The following FHIT variants were observed in gnomAD, a reference collection of about 807,000 sequenced individuals.
FHIT encodes the protein bis(5'-adenosyl)-triphosphatase.
FHIT carries 19 observed loss-of-function variants against 17.9 expected under a neutral mutation model. That is an observed-to-expected ratio of 1.06 (90% CI 0.74 to 1.56). The LOEUF is 1.56. FHIT is among the 40% of genes most tolerant of loss of function. The pLI is 0.00. For missense variants in FHIT, 248 were observed against 189.2 expected (o/e 1.31, Z -1.82); for synonymous variants, 81 against 69.7 (o/e 1.16, Z -0.81).
chr3:59,905,512 T>A (rs17061437), intron 8 of FHIT, among the ~76,000 whole-genome samples: 108 of 152,330 alleles, frequency 7.1e-4, no homozygotes, highest in African/African-American at 2.5e-3. Context: ...GTAGTAAGCC[T>A]TTTATAGGTG....
intron 4 of FHIT, among the ~76,000 whole-genome samples, chr3:60,594,629 C>G (rs1553665584): frequency 6.6e-6 from 1 of 152,090 alleles, no homozygotes; most frequent in African/African-American, 2.4e-5. Context: ...CTCCTCTCCC[C>G]TTCCAACACT....
In FHIT at chr3:60,859,723, A is replaced by ATTTTTTTTTTTT. The variant is rs71092647; in HGVS notation, c.-110-37724_-110-37713dup. 1.7e-3 allele frequency among the ~76,000 whole-genome samples: 90 copies of ATTTTTTTTTTTT among 51,924 alleles called. 20 individuals carry two copies. The highest frequency in any genetic ancestry group is 2.2e-3 in the Non-Finnish European group (66 of 29,368). 34.1% of individuals were successfully genotyped at this position (51,924 alleles called of 152,430 possible). A position where few individuals can be genotyped will look rare whatever the true frequency, so the allele number is the denominator to read the frequency against. On this transcript the variant is annotated intron_variant, in intron 3 of 9. Coordinates refer to ENST00000492590, the MANE Select transcript of FHIT (RefSeq NM_002012.4). ...ACATTTGCAGTGGATTCTGAATACG[A>ATTTTTTTTTTTT]TTTTTTTTTTTTTTTTTTTTTTTTT... is the stretch of plus-strand genomic sequence containing the variant.
At chr3:59,933,851 A>G (rs991252412) in intron 7 of FHIT, among the ~76,000 whole-genome samples, 1 of 152,190 alleles carries the variant, frequency 6.6e-6, no homozygotes, top group East Asian at 1.9e-4. Context: ...TAGCAGGGGA[A>G]AAACAAAGAA....
intron 5 of FHIT, among the ~76,000 whole-genome samples, chr3:60,394,046 T>C (rs1457504503): frequency 2.6e-5 from 4 of 152,096 alleles, no homozygotes; most frequent in African/African-American, 9.7e-5. Context: ...AAGAAGAGTC[T>C]CTCAGGATAG....
At chr3:60,499,662 AG>A (rs138762630) in intron 5 of FHIT, among the ~76,000 whole-genome samples, 18,199 of 152,058 alleles carry the variant, frequency 0.12, 1,270 homozygotes, top group South Asian at 0.21. Flanking sequence ...TACAGGCATG[AG>A]CCACCGCGCC....
intron 3 of FHIT, among the ~76,000 whole-genome samples, chr3:60,969,140 C>A (rs1709888139): frequency 6.6e-6 from 1 of 151,906 alleles, no homozygotes; most frequent in Admixed American, 6.6e-5. Flanking sequence ...GAAGAATTTG[C>A]TGGTAAATTT....
chr3:60,903,604 C>T (rs902984027), intron 3 of FHIT, among the ~76,000 whole-genome samples: 16 of 152,122 alleles, frequency 1.1e-4, no homozygotes, highest in African/African-American at 1.9e-4. Flanking sequence ...ATAATTGTGC[C>T]GAGTGCATCT....
intron 5 of FHIT, among the ~76,000 whole-genome samples, chr3:60,063,083 A>C (rs74846141): frequency 6.6e-6 from 1 of 152,198 alleles, no homozygotes; most frequent in South Asian, 2.1e-4. Context: ...AACAAATTGC[A>C]CATCCTGTTA....
chr3:60,121,516 T>G (rs546353697), intron 5 of FHIT, among the ~76,000 whole-genome samples: 150 of 152,020 alleles, frequency 9.9e-4, no homozygotes, highest in Non-Finnish European at 1.8e-3. Flanking sequence ...TGAGATCCCA[T>G]CTCTACCAAA....
At chr3:59,852,850 T>C (rs1701998185) in intron 8 of FHIT, among the ~76,000 whole-genome samples, 1 of 152,208 alleles carries the variant, frequency 6.6e-6, no homozygotes, top group Admixed American at 6.5e-5. Flanking sequence ...CTTCATGGAT[T>C]GATAGCTAAT....
At chr3:61,042,931 G>T (rs1006871429) in intron 2 of FHIT, among the ~76,000 whole-genome samples, 1 of 152,046 alleles carries the variant, frequency 6.6e-6, no homozygotes, top group Non-Finnish European at 1.5e-5. Context: ...GCATCAAAAA[G>T]GTTAAGAACA....
At chr3:59,903,904 G>C (rs1228910271) in intron 8 of FHIT, among the ~76,000 whole-genome samples, 1 of 152,158 alleles carries the variant, frequency 6.6e-6, no homozygotes, top group Non-Finnish European at 1.5e-5. Flanking sequence ...TCCAGCTTTG[G>C]AATGTCAGGA....
At chr3:60,840,911 G>A (rs1702705646) in intron 3 of FHIT, among the ~76,000 whole-genome samples, 1 of 152,136 alleles carries the variant, frequency 6.6e-6, no homozygotes, top group Non-Finnish European at 1.5e-5. Context: ...CTAAAATTAA[G>A]CAAATGCAAT....
At chr3:60,606,034 C>T (rs1304284812) in intron 4 of FHIT, among the ~76,000 whole-genome samples, 1 of 152,138 alleles carries the variant, frequency 6.6e-6, no homozygotes, top group Non-Finnish European at 1.5e-5. Context: ...GTCTGCCTGA[C>T]TACTTTTAAG....
chr3:59,824,313 A>G (rs1700901206), intron 8 of FHIT, among the ~76,000 whole-genome samples: 1 of 152,196 alleles, frequency 6.6e-6, no homozygotes, highest in Admixed American at 6.5e-5. Context: ...AGAGGCATGG[A>G]CTAGAAACTA....
At chr3:59,915,785 AG>A (rs1446181928) in intron 8 of FHIT, among the ~76,000 whole-genome samples, 4 of 152,134 alleles carry the variant, frequency 2.6e-5, no homozygotes, top group African/African-American at 9.7e-5. Context: ...CAAAAGCATT[AG>A]CCAGGTGTGG....
intron 4 of FHIT, among the ~76,000 whole-genome samples, chr3:60,552,494 C>G (rs567086622): frequency 4.7e-4 from 71 of 152,252 alleles, no homozygotes; most frequent in Non-Finnish European, 7.5e-4. Context: ...CACCCCACTC[C>G]CAGATATTTT....
intron 4 of FHIT, among the ~76,000 whole-genome samples, chr3:60,762,838 G>C (rs1237458775): frequency 1.3e-5 from 2 of 152,152 alleles, no homozygotes; most frequent in Admixed American, 6.5e-5. Flanking sequence ...TCTGCTTTTG[G>C]ACTTGAGTGG....
chr3:60,558,696 A>G (rs994279718), intron 4 of FHIT, among the ~76,000 whole-genome samples: 1 of 152,148 alleles, frequency 6.6e-6, no homozygotes, highest in African/African-American at 2.4e-5. Context: ...CCTAGCACTC[A>G]TGTTGTGGCA....
Sources: gnomAD v4.1 joint callset for allele counts (sites outside exome capture counted in the v4.1 genomes callset) on GRCh38, gnomAD v4.1.1 for gene constraint, MANE v1.5 for transcripts, NCBI Gene and HGNC (gene_info 2026-07-23, HGNC 2026-07-21) for gene names.